The following SLC5A12 variants were observed in gnomAD, a reference collection of about 807,000 sequenced individuals.
The protein encoded by SLC5A12 is sodium-coupled monocarboxylate transporter 2.
Under a neutral mutation model 72.7 loss-of-function variants are expected in SLC5A12, and 46 were observed. The ratio of observed to expected loss-of-function variants is 0.63; its 90% CI spans 0.50 to 0.81. The LOEUF (loss-of-function observed/expected upper bound fraction) is 0.81. SLC5A12 is among the 30% of genes least tolerant of loss of function. The pLI is 0.00. For missense variants in SLC5A12, 683 were observed against 740.7 expected (o/e 0.92, Z 0.90); for synonymous variants, 275 against 264.4 (o/e 1.04, Z -0.39).
chr11:26,690,834 T>C (rs2133167081), intron 9 of SLC5A12, among the ~76,000 whole-genome samples: 1 of 150,810 alleles, frequency 6.6e-6, no homozygotes, highest in East Asian at 1.9e-4. Flanking sequence ...AAATTATAAA[T>C]CAAATAAATA....
At chr11:26,676,354 G>GAAAAAAAA (rs1565183526) in intron 13 of SLC5A12, among the ~76,000 whole-genome samples, 2 of 107,344 alleles carry the variant, frequency 1.9e-5, no homozygotes, top group Admixed American at 1.1e-4. Flanking sequence ...TCTGTTTCTA[G>GAAAAAAAA]AAAACAAAAA....
chr11:26,695,849 C>A (rs1332739340), intron 8 of SLC5A12, among the ~76,000 whole-genome samples: 1 of 152,168 alleles, frequency 6.6e-6, no homozygotes. Context: ...TCATCCCCAC[C>A]TGCTCTCCTT....
intron 9 of SLC5A12, among the ~76,000 whole-genome samples, chr11:26,687,520 G>A (rs1298498309): frequency 1.3e-5 from 2 of 152,224 alleles, no homozygotes; most frequent in African/African-American, 2.4e-5. Context: ...CATAAAGTTA[G>A]AATGTGATTC....
In SLC5A12 at chr11:26,668,360, C is replaced by T. The variant is rs994482250; in HGVS notation, c.*2742G>A. ...TGGAACATTTTAGGCCCCTCTAAAA[C>T]TCATCATTCCTAGTGCCATTTATTG... is the stretch of plus-strand genomic sequence containing the variant. On this transcript the variant is annotated 3_prime_UTR_variant, in exon 15 of 15. Transcript: ENST00000396005. The T allele has an allele frequency of 2.0e-5, 3 of 152,042 alleles. No homozygotes were observed. The highest frequency in any genetic ancestry group is 4.8e-5 in the African/African-American group (2 of 41,420). The allele number at this position is 152,042 out of a possible 1,614,324, so 9.4% of individuals were successfully genotyped here.
At position 26,700,747 on chromosome 11, in the gene SLC5A12, G is replaced by A. The variant is rs1164076334; in HGVS notation, c.822-2212C>T. On this transcript the variant is annotated intron_variant, in intron 6 of 14. Coordinates refer to ENST00000396005, the MANE Select transcript of SLC5A12 (RefSeq NM_178498.4). ...CACAGTTAGCTTCCAGGAAGCACAT[G>A]TAAGTGTCTCAGTAAGTGATACTAT... Among the ~76,000 whole-genome samples the A allele has an allele frequency of 2.0e-5, 3 of 152,150 alleles. No homozygotes were observed. The South Asian group carries it at 6.2e-4, about 31-fold the overall frequency.
In SLC5A12 at chr11:26,669,049, A is replaced by G. The variant is rs1314287307; in HGVS notation, c.*2053T>C. ...GATGTATTCCAAATCATATTTACATATATATGTGTACAGATATATATATGT... is the reference window on the plus strand; with the variant it reads ...GATGTATTCCAAATCATATTTACATGTATATGTGTACAGATATATATATGT... On this transcript the variant is annotated 3_prime_UTR_variant, in exon 15 of 15. Transcript: ENST00000396005. 8.2e-6 allele frequency: 1 copy of G among 122,032 alleles called. No homozygotes were observed. The highest frequency in any genetic ancestry group is 2.0e-5 in the Non-Finnish European group (1 of 50,618). The allele number at this position is 122,032 out of a possible 1,614,324, so 7.6% of individuals were successfully genotyped here. A position where few individuals can be genotyped will look rare whatever the true frequency, so the allele number is the denominator to read the frequency against.
intron 14 of SLC5A12, among the ~76,000 whole-genome samples, chr11:26,672,679 G>A (rs1348203697): frequency 6.6e-6 from 1 of 152,098 alleles, no homozygotes; most frequent in East Asian, 1.9e-4. Context: ...GCTGCATCAA[G>A]TCAGTAAGTC....
chr11:26,703,782 A>G lies in SLC5A12; in HGVS notation c.680+11T>C. The G allele has an allele frequency of 6.2e-7, 1 of 1,613,602 alleles. No homozygotes were observed. Among genetic ancestry groups the G allele is most frequent in the Non-Finnish European group, 8.5e-7 (1 of 1,179,632 alleles). On this transcript the variant is annotated intron_variant, in intron 5 of 14. Transcript: ENST00000396005. ...TCTTTGTAAAGTATGAAAAAGTTGC[A>G]TTGGACATACTCAAATATATGTAGT...
chr11:26,688,156 G>A (rs948724055), intron 9 of SLC5A12, among the ~76,000 whole-genome samples: 7 of 152,182 alleles, frequency 4.6e-5, no homozygotes, highest in African/African-American at 1.7e-4. Context: ...ACAGCAGCAT[G>A]CTAGGCAGGA....
intron 1 of SLC5A12, among the ~76,000 whole-genome samples, chr11:26,718,377 A>T (rs534573830): frequency 1.9e-3 from 291 of 152,354 alleles, no homozygotes; most frequent in African/African-American, 6.5e-3. Context: ...AAAGTTAAGT[A>T]ATTTACGCCA....
chr11:26,686,297 T>A (rs1854531118), intron 10 of SLC5A12, among the ~76,000 whole-genome samples, 180 bp downstream of exon 10: 1 of 22,384 alleles, frequency 4.5e-5, no homozygotes, highest in Non-Finnish European at 7.7e-5. Context: ...TCTGAAAAGA[T>A]AAGTTCTTTT....
At chr11:26,701,473 A>G (rs753738413) in intron 6 of SLC5A12, among the ~76,000 whole-genome samples, 7 of 152,202 alleles carry the variant, frequency 4.6e-5, no homozygotes, top group Non-Finnish European at 8.8e-5. Flanking sequence ...GACAGCTTTC[A>G]TACTCACTAA....
chr11:26,676,571 G>A (rs551894867), intron 13 of SLC5A12, among the ~76,000 whole-genome samples: 1 of 152,160 alleles, frequency 6.6e-6, no homozygotes, highest in Admixed American at 6.6e-5. Flanking sequence ...TCTATATACT[G>A]TCCTGATAAT....
chr11:26,708,742 T>C (rs1471961218), intron 4 of SLC5A12, among the ~76,000 whole-genome samples: 3 of 152,016 alleles, frequency 2.0e-5, no homozygotes, highest in Admixed American at 6.6e-5. Context: ...ATAATTGTAT[T>C]AATTACATAA....
At chr11:26,704,843 G>C (rs1281132942) in intron 4 of SLC5A12, among the ~76,000 whole-genome samples, 2 of 152,044 alleles carry the variant, frequency 1.3e-5, no homozygotes, top group Admixed American at 6.6e-5. Context: ...TAGTGACAGG[G>C]AATATATTTT....
At chr11:26,678,010 T>A (rs1213213181) in intron 13 of SLC5A12, among the ~76,000 whole-genome samples, 1 of 151,984 alleles carries the variant, frequency 6.6e-6, no homozygotes, top group Non-Finnish European at 1.5e-5. Context: ...CATTAATACA[T>A]CAAAAGGGCA....
intron 13 of SLC5A12, among the ~76,000 whole-genome samples, chr11:26,677,675 T>A: frequency 6.6e-6 from 1 of 152,188 alleles, no homozygotes; most frequent in East Asian, 1.9e-4. Flanking sequence ...TAGTCTATTC[T>A]TTATCATAGC....
rs150334306 is a variant in SLC5A12, at chr11:26,686,824, T to C, written c.1154-280A>G. On this transcript the variant is annotated intron_variant, in intron 9 of 14. Coordinates refer to ENST00000396005, the MANE Select transcript of SLC5A12 (RefSeq NM_178498.4). ...CTAAGCTTCTGGAAGAAATCTGTTA[T>C]GTGGAAACAACATGAAAATGTGGGA... 5.3e-3 allele frequency among the ~76,000 whole-genome samples: 802 copies of C among 152,306 alleles called. 9 individuals are homozygous for C. In the East Asian group the frequency reaches 0.062, roughly 12 times the overall value.
At position 26,705,753 on chromosome 11, in the gene SLC5A12, C is replaced by T. The variant is rs138064402; in HGVS notation, c.526-1806G>A. On this transcript the variant is annotated intron_variant, in intron 4 of 14. Coordinates refer to ENST00000396005, the MANE Select transcript of SLC5A12 (RefSeq NM_178498.4). ...TGCTATGAAGACAAAATGTCAAAGG[C>T]CTCTGTTTTCAGAGGATACTTGGCA... 1.9e-3 allele frequency among the ~76,000 whole-genome samples: 283 copies of T among 152,116 alleles called. 3 individuals carry two copies. The highest frequency in any genetic ancestry group is 0.018 in the Admixed American group (272 of 15,242).
Sources: gnomAD v4.1 joint callset for allele counts (sites outside exome capture counted in the v4.1 genomes callset) on GRCh38, gnomAD v4.1.1 for gene constraint, MANE v1.5 for transcripts, NCBI Gene and HGNC (gene_info 2026-07-23, HGNC 2026-07-21) for gene names.